The following C13orf46 variants were observed in gnomAD, a reference collection of about 807,000 sequenced individuals.
The protein encoded by C13orf46 is uncharacterized protein C13orf46.
the C13orf46 span, among the ~76,000 whole-genome samples, chr13:113,937,707 G>A: frequency 1.2e-4 from 18 of 152,278 alleles, no homozygotes; most frequent in East Asian, 1.7e-3. Context: ...GGTTCGGTCC[G>A]GAAAGGCGGG....
chr13:113,959,119 A>C (rs1346686342), intron 6 of C13orf46, among the ~76,000 whole-genome samples: 1 of 152,092 alleles, frequency 6.6e-6, no homozygotes, highest in Non-Finnish European at 1.5e-5. Context: ...CTCTACTAAA[A>C]TAAAAAATTA....
In C13orf46 at chr13:113,958,886, T is replaced by C. The variant is rs980647493; in HGVS notation, c.573-2047A>G. Among the ~76,000 whole-genome samples, 96 of 152,118 alleles carry C rather than the reference T, an allele frequency of 6.3e-4. 1 individual carries two copies. The highest frequency in any genetic ancestry group is 1.1e-3 in the Admixed American group (17 of 15,274). Reference sequence around the variant, plus strand: ...TCTCTCCTGGGGTCTCTCTGGGTCCTCTCCTGGGGCTGTGCTAGGGCTCAG... The same window carrying C: ...TCTCTCCTGGGGTCTCTCTGGGTCCCCTCCTGGGGCTGTGCTAGGGCTCAG... On this transcript the variant is annotated intron_variant, in intron 6 of 6. Transcript: ENST00000636427.
At chr13:113,956,977 A>C (rs2052540215) in intron 6 of C13orf46, 138 bp from the exon 7 acceptor site, 1 of 151,982 alleles carries the variant, frequency 6.6e-6, no homozygotes, top group South Asian at 2.1e-4. Flanking sequence ...ACCCCCTTTC[A>C]TCAAGTGCAC....
chr13:113,966,072 G>A (rs1481198525), intron 5 of C13orf46, among the ~76,000 whole-genome samples: 1 of 150,334 alleles, frequency 6.7e-6, no homozygotes, highest in Admixed American at 6.6e-5. Context: ...GAATGATGGT[G>A]GTGATGTGAT....
the C13orf46 span, among the ~76,000 whole-genome samples, chr13:113,942,167 C>T: frequency 7.4e-4 from 113 of 152,300 alleles, no homozygotes; most frequent in African/African-American, 2.7e-3. Context: ...TGGTCACTGA[C>T]CTACACTTTT....
the C13orf46 span, among the ~76,000 whole-genome samples, chr13:113,947,813 C>CA: frequency 2.6e-5 from 4 of 152,256 alleles, no homozygotes; most frequent in African/African-American, 9.6e-5. Context: ...CACTTCCCCC[C>CA]AGACACTCAC....
intron 1 of C13orf46, among the ~76,000 whole-genome samples, chr13:113,971,761 G>T (rs1054118132): frequency 6.6e-6 from 1 of 152,200 alleles, no homozygotes; most frequent in South Asian, 2.1e-4. Flanking sequence ...CCAAGTCTGC[G>T]AGGGGTGAGG....
chr13:113,973,293 CCGT>C (rs2052728050), intron 1 of C13orf46, among the ~76,000 whole-genome samples: 1 of 152,190 alleles, frequency 6.6e-6, no homozygotes, highest in African/African-American at 2.4e-5. Context: ...GGACAGCTGA[CCGT>C]CAACAGGCGC....
At chr13:113,966,840 T>A (rs890410827) in intron 5 of C13orf46, among the ~76,000 whole-genome samples, 2 of 151,996 alleles carry the variant, frequency 1.3e-5, no homozygotes, top group Non-Finnish European at 2.9e-5. Flanking sequence ...CTTTCCTGGG[T>A]GTGAGGCACT....
the C13orf46 span, among the ~76,000 whole-genome samples, chr13:113,937,546 CAATTT>C: frequency 6.6e-6 from 1 of 152,126 alleles, no homozygotes; most frequent in Non-Finnish European, 1.5e-5. Flanking sequence ...AAGGCTCAGT[CAATTT>C]AGGAAGTTTA....
chr13:113,941,575 G>C, the C13orf46 span, among the ~76,000 whole-genome samples: 9 of 152,368 alleles, frequency 5.9e-5, no homozygotes, highest in East Asian at 9.6e-4. Context: ...CTCTGTGTGT[G>C]AGGCTGGGCG....
chr13:113,965,804 T>G (rs2052634070), intron 5 of C13orf46, among the ~76,000 whole-genome samples: 1 of 150,256 alleles, frequency 6.7e-6, no homozygotes, highest in South Asian at 2.1e-4. Flanking sequence ...ATGGTGGTGA[T>G]GATGGTGAAG....
chr13:113,931,121 C>T, the C13orf46 span, among the ~76,000 whole-genome samples: 2 of 152,234 alleles, frequency 1.3e-5, no homozygotes, highest in African/African-American at 2.4e-5. Context: ...GAGCCATCCC[C>T]ACCACCCAGG....
chr13:113,966,006 G>A (rs1336588963), intron 5 of C13orf46, among the ~76,000 whole-genome samples: 1 of 151,354 alleles, frequency 6.6e-6, no homozygotes, highest in Non-Finnish European at 1.5e-5. Flanking sequence ...TGGTGATGAT[G>A]ATGATGGTGG....
At chr13:113,948,471 G>T in the C13orf46 span, among the ~76,000 whole-genome samples, 1 of 152,246 alleles carries the variant, frequency 6.6e-6, no homozygotes, top group African/African-American at 2.4e-5. Flanking sequence ...CTGGGACCCT[G>T]TGTGAGCACA....
In C13orf46 at chr13:113,966,736, T is replaced by C. The variant is rs1046459300; in HGVS notation, c.504+605A>G. ...ATGGGGATGATGTTGCTGGTGGTGATGATGATGATGGTTGTGATATAATGA... is the reference window on the plus strand; with the variant it reads ...ATGGGGATGATGTTGCTGGTGGTGACGATGATGATGGTTGTGATATAATGA... On this transcript the variant is annotated intron_variant, in intron 5 of 6. Transcript: ENST00000636427. Among the ~76,000 whole-genome samples the C allele has an allele frequency of 4.7e-3, 712 of 151,928 alleles. 6 individuals carry two copies. The highest frequency in any genetic ancestry group is 0.016 in the African/African-American group (670 of 41,396).
chr13:113,954,975 G>A lies in C13orf46; in HGVS notation c.*1798C>T, dbSNP rs978864230. On this transcript the variant is annotated 3_prime_UTR_variant, in exon 7 of 7. Coordinates refer to ENST00000636427, the MANE Select transcript of C13orf46 (RefSeq NM_001365455.2). ...GCGGAGACGAGGAGGAGGATCTGGC[G>A]GAGACGAGGAGGAGGATCTGGCAGA... The A allele has an allele frequency of 2.1e-4, 34 of 164,336 alleles. 1 individual carries two copies. The highest frequency in any genetic ancestry group is 5.3e-4 in the Admixed American group (8 of 15,016). The allele number at this position is 164,336 out of a possible 1,614,324, so 10.2% of individuals were successfully genotyped here.
In C13orf46 at chr13:113,962,134, T is replaced by C. The variant is rs1364367158; in HGVS notation, c.572+2793A>G. Reference sequence around the variant, plus strand: ...AAAAAGAGATGGAGGCTGGGTGCGGTGGCTCACGCCTGTAATCCCAGCACA... The same window carrying C: ...AAAAAGAGATGGAGGCTGGGTGCGGCGGCTCACGCCTGTAATCCCAGCACA... On this transcript the variant is annotated intron_variant, in intron 6 of 6. Transcript: ENST00000636427. 2.6e-4 allele frequency among the ~76,000 whole-genome samples: 40 copies of C among 152,310 alleles called. No individual in the cohort carries two copies. In the East Asian group the frequency reaches 7.5e-3, roughly 29 times the overall value.
At chr13:113,945,613 A>AAAG in the C13orf46 span, among the ~76,000 whole-genome samples, 169 of 88,820 alleles carry the variant, frequency 1.9e-3, no homozygotes, top group African/African-American at 5.2e-3. Context: ...AAGAAGAAAG[A>AAAG]AAGAAAGAAA....
Sources: gnomAD v4.1 joint callset for allele counts (sites outside exome capture counted in the v4.1 genomes callset) on GRCh38, gnomAD v4.1.1 for gene constraint, MANE v1.5 for transcripts, NCBI Gene and HGNC (gene_info 2026-07-23, HGNC 2026-07-21) for gene names.